The following FILIP1L variants were observed in gnomAD, a reference collection of about 807,000 sequenced individuals.
FILIP1L encodes filamin A interacting protein 1 like, also known as filamin A-interacting protein 1-like.
In FILIP1L, 55 loss-of-function variants were observed where a neutral mutation model predicts 96.6. That is an observed-to-expected ratio of 0.57 (90% confidence interval 0.46 to 0.71). The LOEUF is 0.71. FILIP1L is among the 30% of genes least tolerant of loss of function. The probability of loss-of-function intolerance (pLI) is 0.00; values close to 1 mark genes in which losing one functional copy is unlikely to be tolerated. For synonymous variants in FILIP1L, 467 were observed against 473.9 expected (o/e 0.99, Z 0.19); for missense variants, 1,304 against 1,321.2 (o/e 0.99, Z 0.20).
intron 4 of FILIP1L, among the ~76,000 whole-genome samples, chr3:99,921,223 A>G (rs1243839900): frequency 1.3e-5 from 2 of 152,194 alleles, no homozygotes; most frequent in African/African-American, 4.8e-5. Context: ...GTCACTTGAA[A>G]GCAAGGCACA....
At chr3:100,012,889 T>G (rs1414468250) in intron 1 of FILIP1L, among the ~76,000 whole-genome samples, 1 of 151,082 alleles carries the variant, frequency 6.6e-6, no homozygotes, top group Middle Eastern at 3.2e-3. Context: ...TCCTCCCATC[T>G]CAGCCTCCTA....
chr3:99,867,964 C>A (rs1020956453), intron 4 of FILIP1L, among the ~76,000 whole-genome samples: 1 of 152,062 alleles, frequency 6.6e-6, no homozygotes, highest in Non-Finnish European at 1.5e-5. Flanking sequence ...AACACCTAGG[C>A]AAAAAGTATT....
Position 99,849,608 on chromosome 3 carries a change from C to T in FILIP1L, c.2068G>A (p.Ala690Thr). The change falls in exon 5 of 6, where the codon GCA becomes ACA. Residue 690 changes from alanine to threonine, a missense_variant. Physicochemically the swap from Ala to Thr is moderately conservative, Grantham distance 58. Coordinates refer to ENST00000477258, the MANE Select transcript of FILIP1L (RefSeq NM_001387850.1). ...TCATGGCTGGTCTCTGTCTTTTCTG[C>T]TAACTTGTACTTAGCAAGTTCCATT... Reference protein sequence around the residue: ...VKMELAKYKLAEKTETSHEQW... With the variant: ...VKMELAKYKLTEKTETSHEQW... 3 of 1,613,438 alleles carry T rather than the reference C, an allele frequency of 1.9e-6. No individual in the cohort carries two copies. The highest frequency in any genetic ancestry group is 2.5e-6 in the Non-Finnish European group (3 of 1,180,006).
chr3:100,038,096 C>G (rs2065141891), intron 1 of FILIP1L, among the ~76,000 whole-genome samples: 1 of 151,982 alleles, frequency 6.6e-6, no homozygotes, highest in African/African-American at 2.4e-5. Context: ...GCTGGGATTA[C>G]AGGCACCTGC....
chr3:99,972,639 A>G (rs926303519), intron 1 of FILIP1L, among the ~76,000 whole-genome samples: 2 of 152,206 alleles, frequency 1.3e-5, no homozygotes, highest in Admixed American at 6.5e-5. Flanking sequence ...TGCTTATGAA[A>G]TGAGCCCATG....
chr3:99,873,165 G>C (rs949612394), intron 4 of FILIP1L, among the ~76,000 whole-genome samples: 1 of 152,134 alleles, frequency 6.6e-6, no homozygotes, highest in Non-Finnish European at 1.5e-5. Context: ...TTGCTTTGAA[G>C]GTTTGTGATG....
intron 4 of FILIP1L, among the ~76,000 whole-genome samples, chr3:99,911,833 T>G (rs1706798950): frequency 6.6e-6 from 1 of 152,214 alleles, no homozygotes; most frequent in South Asian, 2.1e-4. Context: ...TTATTTTTTT[T>G]TCCTAGTTCC....
At chr3:100,012,742 T>C (rs1710194569) in intron 1 of FILIP1L, among the ~76,000 whole-genome samples, 1 of 150,236 alleles carries the variant, frequency 6.7e-6, no homozygotes. Flanking sequence ...GATTGATTTC[T>C]GGATCCAGGA....
At chr3:100,038,820 C>T (rs2065153877) in intron 1 of FILIP1L, among the ~76,000 whole-genome samples, 1 of 152,122 alleles carries the variant, frequency 6.6e-6, no homozygotes, top group East Asian at 1.9e-4. Flanking sequence ...TGTACTGATA[C>T]AGCAGGATCT....
At position 100,066,517 on chromosome 3, in the gene FILIP1L, CTTTTTTTTTTT is replaced by C. The variant is rs545356638; in HGVS notation, c.-11+47525_-11+47535del. Among the ~76,000 whole-genome samples, 4 of 38,318 alleles carry C rather than the reference CTTTTTTTTTTT, an allele frequency of 1.0e-4. 1 individual carries two copies. The highest frequency in any genetic ancestry group is 4.5e-4 in the African/African-American group (4 of 8,818). The allele number at this position is 38,318 out of a possible 152,430, so 25.1% of individuals were successfully genotyped here. A position where few individuals can be genotyped will look rare whatever the true frequency, so the allele number is the denominator to read the frequency against. ...AAGGATGATGTGGAAGGCTTTGCTT[CTTTTTTTTTTT>C]TTTTTTTTTTTTTTTTTTTTTGAGA... On this transcript the variant is annotated intron_variant, in intron 1 of 5. Coordinates refer to ENST00000477258, the MANE Select transcript of FILIP1L (RefSeq NM_001387850.1).
intron 1 of FILIP1L, among the ~76,000 whole-genome samples, chr3:99,977,183 A>G (rs1311024498): frequency 6.6e-6 from 1 of 152,236 alleles, no homozygotes; most frequent in African/African-American, 2.4e-5. Flanking sequence ...TGTAAGAGGC[A>G]TAAGGCTGGA....
chr3:99,844,144 A>G (rs1185946352), intron 5 of FILIP1L, among the ~76,000 whole-genome samples: 3 of 152,158 alleles, frequency 2.0e-5, no homozygotes, highest in Admixed American at 6.5e-5. Context: ...ACTGGGAGAG[A>G]GTATCTTACA....
intron 5 of FILIP1L, among the ~76,000 whole-genome samples, chr3:99,834,188 C>G (rs1384479342): frequency 6.6e-6 from 1 of 152,156 alleles, no homozygotes; most frequent in Non-Finnish European, 1.5e-5. Flanking sequence ...AACTTTATCA[C>G]TACAAGTTTT....
At chr3:99,910,129 TAG>T (rs2107637919) in intron 4 of FILIP1L, among the ~76,000 whole-genome samples, 1 of 136,800 alleles carries the variant, frequency 7.3e-6, no homozygotes, top group East Asian at 2.0e-4. Flanking sequence ...AAATTCTTAA[TAG>T]AGTTGGTTTA....
intron 1 of FILIP1L, among the ~76,000 whole-genome samples, chr3:100,105,923 C>T (rs189258898): frequency 6.6e-6 from 1 of 152,222 alleles, no homozygotes; most frequent in East Asian, 1.9e-4. Context: ...TTTCTCACTT[C>T]AAACTTAGAA....
At chr3:99,976,299 C>G (rs575170008) in intron 1 of FILIP1L, among the ~76,000 whole-genome samples, 7 of 152,270 alleles carry the variant, frequency 4.6e-5, no homozygotes, top group African/African-American at 1.7e-4. Context: ...CTACGCGTTC[C>G]TGCTTATAAC....
At chr3:100,021,179 C>T (rs186502059) in intron 1 of FILIP1L, among the ~76,000 whole-genome samples, 1 of 152,354 alleles carries the variant, frequency 6.6e-6, no homozygotes, top group African/African-American at 2.4e-5. Flanking sequence ...ATAGAACACA[C>T]TTGTGCCAGT....
intron 1 of FILIP1L, among the ~76,000 whole-genome samples, chr3:99,998,860 C>T (rs147008605): frequency 0.012 from 1,791 of 152,318 alleles, 23 homozygotes; most frequent in African/African-American, 0.026. Context: ...TGAGCCACCG[C>T]GCCCGGCCAT....
chr3:100,077,520 G>T, intron 1 of FILIP1L, among the ~76,000 whole-genome samples: 1 of 152,216 alleles, frequency 6.6e-6, no homozygotes, highest in East Asian at 1.9e-4. Context: ...TTAAGGAAAT[G>T]GAGAGGGGAG....
Sources: gnomAD v4.1 joint callset for allele counts (sites outside exome capture counted in the v4.1 genomes callset) on GRCh38, gnomAD v4.1.1 for gene constraint, MANE v1.5 for transcripts, NCBI Gene and HGNC (gene_info 2026-07-23, HGNC 2026-07-21) for gene names.